The following ZNF469 variants were observed in gnomAD, a reference collection of about 807,000 sequenced individuals.
ZNF469 encodes zinc finger protein 469.
ZNF469 carries 1 observed loss-of-function variant against 1.0 expected under a neutral mutation model. That is an observed-to-expected ratio of 1.00 (90% confidence interval 0.35 to 4.73). The LOEUF (loss-of-function observed/expected upper bound fraction) is 4.73, where lower values mean the gene tolerates loss of function less well. Among genes scored for constraint, ZNF469 ranks in the 30% most tolerant of loss-of-function variants. The probability of loss-of-function intolerance (pLI) is 0.16; values close to 1 mark genes in which losing one functional copy is unlikely to be tolerated. For synonymous variants in ZNF469, 2,703 were observed against 2,363.4 expected (o/e 1.14, Z -4.17); for missense variants, 6,100 against 5,356.3 (o/e 1.14, Z -4.33).
rs1382935091 is a variant in ZNF469 at position 88,439,652 on chromosome 16, G to A, written c.*320G>A. The A allele has an allele frequency of 5.3e-6, 2 of 375,340 alleles. No individual in the cohort carries two copies. The highest frequency in any genetic ancestry group is 4.1e-5 in the African/African-American group (2 of 48,580). The allele number at this position is 375,340 out of a possible 1,614,324, so 23.3% of individuals were successfully genotyped here. Reference sequence around the variant, plus strand: ...CAGCCCACACCCCTGCGCCCTGTGGGCACCGACACCACAGAAGCCAATGTT... The same window carrying A: ...CAGCCCACACCCCTGCGCCCTGTGGACACCGACACCACAGAAGCCAATGTT... On this transcript the variant is annotated 3_prime_UTR_variant, in exon 3 of 3. Transcript: ENST00000565624.
At chr16:88,194,263 G>C in the ZNF469 span, 1 of 152,316 alleles carries the variant, frequency 6.6e-6, no homozygotes, top group Non-Finnish European at 1.5e-5. Context: ...CGGGCCTCAC[G>C]TCCTCAGTGC....
the ZNF469 span, among the ~76,000 whole-genome samples, chr16:88,328,498 A>G: frequency 3.3e-5 from 5 of 152,168 alleles, no homozygotes; most frequent in African/African-American, 1.2e-4. Context: ...CTGAAACGCC[A>G]CGGCCCCAGT....
rs1906278848 is a variant in ZNF469, at chr16:88,432,612, CA to C, written c.5143del (p.Arg1715GlyfsTer24). 6.5e-7 allele frequency: 1 copy of C among 1,550,322 alleles called. No homozygotes were observed. The highest frequency in any genetic ancestry group is 1.4e-5 in the African/African-American group (1 of 73,070). ...TGLCQAEGDS[R>X]PPQDVCLPEP... Reference sequence around the variant, plus strand: ...GACTTTGCCAGGCAGAAGGAGACAGCAGGCCCCCCCAAGATGTCTGCCTGCC... The same window carrying C: ...GACTTTGCCAGGCAGAAGGAGACAGCGGCCCCCCCAAGATGTCTGCCTGCC... On this transcript the variant is annotated frameshift_variant, in exon 3 of 3. Transcript: ENST00000565624. LOFTEE classifies it low-confidence loss of function (END_TRUNC).
At chr16:88,337,515 C>T in the ZNF469 span, among the ~76,000 whole-genome samples, 5 of 152,218 alleles carry the variant, frequency 3.3e-5, no homozygotes. Flanking sequence ...CAAGTGTTTG[C>T]ACGGACGTGT....
At chr16:88,312,422 GT>G in the ZNF469 span, among the ~76,000 whole-genome samples, 7 of 152,156 alleles carry the variant, frequency 4.6e-5, no homozygotes, top group African/African-American at 1.7e-4. Flanking sequence ...TACTCTTTTT[GT>G]TGTTTCTTTA....
the ZNF469 span, among the ~76,000 whole-genome samples, chr16:88,306,018 CAT>C: frequency 6.6e-6 from 1 of 152,208 alleles, no homozygotes; most frequent in Non-Finnish European, 1.5e-5. Context: ...CAGCCATACA[CAT>C]GTGGGTGTGA....
In ZNF469 at chr16:88,429,270, G is replaced by A. The variant is rs768772320; in HGVS notation, c.1800G>A (p.Thr600=). 115 of 1,549,766 alleles carry A rather than the reference G, an allele frequency of 7.4e-5. No homozygotes were observed. In the East Asian group the frequency reaches 1.4e-3, roughly 19 times the overall value. The stretch of plus-strand genomic sequence containing the variant: ...CACTGCCGTCACCGGCCACCAACAC[G>A]GCCGGCAGCACCTGCTCTTCCCTGT... ...ESPLPSPATN[T]AGSTCSSLSP... Residue 600 remains threonine, a synonymous_variant, in exon 3 of 3, where the codon ACG becomes ACA. Transcript: ENST00000565624.
chr16:88,434,232 G>A lies in ZNF469; in HGVS notation c.6762G>A (p.Glu2254=). Residue 2254 remains glutamate, a synonymous_variant, in exon 3 of 3, where the codon GAG becomes GAA. Coordinates refer to ENST00000565624, the MANE Select transcript of ZNF469 (RefSeq NM_001367624.2). ...TPKDSTLRIP[E]DSRKEKLWES... ...AAGACAGCACTTTAAGAATTCCAGA[G>A]GATTCCAGAAAAGAGAAGCTGTGGG... 1.9e-6 allele frequency: 3 copies of A among 1,550,380 alleles called. No individual in the cohort carries two copies. The highest frequency in any genetic ancestry group is 2.6e-6 in the Non-Finnish European group (3 of 1,146,968).
At chr16:88,286,005 C>T in the ZNF469 span, among the ~76,000 whole-genome samples, 3 of 152,254 alleles carry the variant, frequency 2.0e-5, no homozygotes, top group South Asian at 2.1e-4. Context: ...GGAGCATCGC[C>T]ATCTCCTTCC....
the ZNF469 span, among the ~76,000 whole-genome samples, chr16:88,171,891 A>C: frequency 9.2e-5 from 14 of 152,228 alleles, no homozygotes; most frequent in Admixed American, 9.2e-4. Context: ...GTTCTGACTA[A>C]TACGGGGTAA....
At chr16:88,269,009 G>A in the ZNF469 span, among the ~76,000 whole-genome samples, 26 of 152,318 alleles carry the variant, frequency 1.7e-4, no homozygotes, top group Non-Finnish European at 3.4e-4. Context: ...AGGAGAGATG[G>A]TATTTCAGTT....
At chr16:88,365,784 G>A in the ZNF469 span, among the ~76,000 whole-genome samples, 1 of 152,146 alleles carries the variant, frequency 6.6e-6, no homozygotes, top group East Asian at 1.9e-4. Context: ...TCTGTGGTCG[G>A]GGTAAGTGAG....
rs2142308339 is a variant in ZNF469, at chr16:88,433,196, G to A, written c.5726G>A (p.Gly1909Glu). The A allele has an allele frequency of 1.3e-6, 2 of 1,550,320 alleles. No individual in the cohort carries two copies. Among genetic ancestry groups the A allele is most frequent in the Non-Finnish European group, 1.7e-6 (2 of 1,146,934 alleles). The change falls in exon 3 of 3, where the codon GGG (glycine) becomes GAG (glutamate). Residue 1909 changes from glycine (G) to glutamate (E), a missense_variant. Physicochemically the swap from Gly to Glu is moderately conservative, Grantham distance 98. Transcript: ENST00000565624. ...CCCATACGTCAGCTCCAGCTCCCAG[G>A]GCCTGGAGTGGCTAAGAGTAAAGAT... is the stretch of plus-strand genomic sequence containing the variant. Reference protein sequence around the residue: ...SPPIRQLQLPGPGVAKSKDGI... With the variant: ...SPPIRQLQLPEPGVAKSKDGI...
At chr16:88,139,836 G>C in the ZNF469 span, among the ~76,000 whole-genome samples, 1 of 152,218 alleles carries the variant, frequency 6.6e-6, no homozygotes, top group African/African-American at 2.4e-5. Flanking sequence ...GGTTAGCACA[G>C]CACAGAATCC....
the ZNF469 span, among the ~76,000 whole-genome samples, chr16:88,231,710 C>T: frequency 1.3e-5 from 2 of 152,170 alleles, no homozygotes; most frequent in African/African-American, 2.4e-5. The surrounding 1 kb of genome is among the most constrained non-coding windows in gnomAD (Gnocchi z 4.5). Flanking sequence ...CTGTGAGCCC[C>T]CCGCCTCCCT....
At chr16:88,389,603 A>G (rs1408327370) in intron 1 of ZNF469, among the ~76,000 whole-genome samples, 3 of 152,126 alleles carry the variant, frequency 2.0e-5, no homozygotes, top group African/African-American at 7.2e-5. Flanking sequence ...CGCTCCCACC[A>G]GTGTGTCAGT....
the ZNF469 span, among the ~76,000 whole-genome samples, chr16:88,205,188 A>G: frequency 6.6e-6 from 1 of 152,162 alleles, no homozygotes; most frequent in African/African-American, 2.4e-5. This position sits in a 1 kb window ranked among gnomAD's most constrained non-coding sequence, Gnocchi z 4.2. Context: ...AGGAAAGTAA[A>G]TGGAGAATGA....
At chr16:88,394,516 C>G (rs1050206163) in intron 1 of ZNF469, among the ~76,000 whole-genome samples, 2 of 152,214 alleles carry the variant, frequency 1.3e-5, no homozygotes, top group African/African-American at 2.4e-5. Flanking sequence ...GAAGGTGCTT[C>G]CCGGTCGTAT....
At chr16:88,348,920 G>T in the ZNF469 span, among the ~76,000 whole-genome samples, 7 of 152,116 alleles carry the variant, frequency 4.6e-5, no homozygotes, top group African/African-American at 1.4e-4. Flanking sequence ...GCACACAGCC[G>T]CTCTCCCGGG....
Sources: gnomAD v4.1 joint callset for allele counts (sites outside exome capture counted in the v4.1 genomes callset) on GRCh38, gnomAD v4.1.1 for gene constraint, Gnocchi (gnomAD v3.1) non-coding constraint, MANE v1.5 for transcripts, NCBI Gene and HGNC (gene_info 2026-07-23, HGNC 2026-07-21) for gene names.